Variants in NCKAP5 observed in about 807,000 individuals in gnomAD.
NCKAP5 encodes nck-associated protein 5.
In NCKAP5, 92 loss-of-function variants were observed where a neutral mutation model predicts 167.0. The ratio of observed to expected loss-of-function variants is 0.55; its 90% CI spans 0.47 to 0.66. The LOEUF (loss-of-function observed/expected upper bound fraction) is 0.66. Among genes scored for constraint, NCKAP5 ranks in the 30% least tolerant of loss-of-function variants. NCKAP5 has a pLI of 0.00. For missense variants in NCKAP5, 2,378 were observed against 2,315.0 expected, an observed-to-expected ratio of 1.03 and a Z score of -0.56; for synonymous variants, 891 against 877.4, an observed-to-expected ratio of 1.02 and a Z score of -0.27.
intron 16 of NCKAP5, among the ~76,000 whole-genome samples, chr2:132,772,478 G>C (rs1682163927): frequency 6.6e-6 from 1 of 152,132 alleles, no homozygotes. Context: ...GAAAAATTCA[G>C]CTTGTAACTT....
chr2:133,318,878 A>T (rs554814125), intron 3 of NCKAP5, among the ~76,000 whole-genome samples: 33 of 152,252 alleles, frequency 2.2e-4, no homozygotes, highest in African/African-American at 7.7e-4. Context: ...TCACAAAGAC[A>T]CATTATCCTG....
chr2:133,114,107 T>C (rs932772215), intron 6 of NCKAP5, among the ~76,000 whole-genome samples: 1 of 152,386 alleles, frequency 6.6e-6, no homozygotes. Context: ...GTTCTAGGCC[T>C]TGTAAATATT....
At chr2:133,022,699 A>C (rs1433168939) in intron 6 of NCKAP5, among the ~76,000 whole-genome samples, 3 of 152,188 alleles carry the variant, frequency 2.0e-5, no homozygotes, top group Non-Finnish European at 4.4e-5. Flanking sequence ...GGAAGATGGT[A>C]ATATGCTTCT....
At chr2:133,589,031 C>T in the NCKAP5 span, among the ~76,000 whole-genome samples, 1 of 152,280 alleles carries the variant, frequency 6.6e-6, no homozygotes, top group South Asian at 2.1e-4. Flanking sequence ...CTGGCTTGGA[C>T]TCCAAGTAAG....
At chr2:132,931,017 C>A (rs1278470146) in intron 8 of NCKAP5, 1 of 152,206 alleles carries the variant, frequency 6.6e-6, no homozygotes, top group African/African-American at 2.4e-5. Context: ...GCTCCAGAAT[C>A]TGTGCTCTTC....
intron 12 of NCKAP5, among the ~76,000 whole-genome samples, chr2:132,790,772 T>C (rs925726963): frequency 1.4e-4 from 22 of 152,186 alleles, no homozygotes; most frequent in African/African-American, 4.8e-4. Context: ...GCTTATCTTA[T>C]AGGGTTATTG....
rs974433869 is a variant in NCKAP5 at position 133,045,385 on chromosome 2, A to G, written c.342-51146T>C. 4.0e-5 allele frequency among the ~76,000 whole-genome samples: 6 copies of G among 151,888 alleles called. No homozygotes were observed. The East Asian group carries it at 1.2e-3, about 29-fold the overall frequency. On this transcript the variant is annotated intron_variant, in intron 6 of 19. Coordinates refer to ENST00000409261, the MANE Select transcript of NCKAP5 (RefSeq NM_207363.3). ...AAAGTATATATATCTATATCTATCT[A>G]TATATATATACATAATTAAGAGAGA...
At chr2:132,768,953 T>C (rs1681778807) in intron 16 of NCKAP5, among the ~76,000 whole-genome samples, 1 of 148,468 alleles carries the variant, frequency 6.7e-6, no homozygotes, top group Admixed American at 6.7e-5. Context: ...TTTTTTTTTT[T>C]TTTTTTTATG....
At chr2:133,537,799 T>C (rs1276427149) in intron 2 of NCKAP5, among the ~76,000 whole-genome samples, 5 of 152,176 alleles carry the variant, frequency 3.3e-5, no homozygotes, top group Admixed American at 3.3e-4. Context: ...ATTAAACAAA[T>C]TGAGATGCTT....
intron 13 of NCKAP5, among the ~76,000 whole-genome samples, chr2:132,789,807 G>T (rs780455377): frequency 2.6e-5 from 4 of 152,122 alleles, no homozygotes; most frequent in Non-Finnish European, 4.4e-5. Context: ...TGAAGTTGTG[G>T]TCTCTGTCAT....
intron 6 of NCKAP5, among the ~76,000 whole-genome samples, chr2:133,110,895 A>G (rs2081887183): frequency 6.6e-6 from 1 of 152,256 alleles, no homozygotes; most frequent in South Asian, 2.1e-4. Context: ...GATCTGGGGA[A>G]GCCTCTCTTC....
At chr2:133,243,590 A>G (rs2087830973) in intron 4 of NCKAP5, among the ~76,000 whole-genome samples, 1 of 152,204 alleles carries the variant, frequency 6.6e-6, no homozygotes, top group Non-Finnish European at 1.5e-5. Context: ...CATGGCTGGA[A>G]GCTCCATTTT....
intron 5 of NCKAP5, among the ~76,000 whole-genome samples, chr2:133,156,205 C>A (rs1041413426): frequency 2.0e-5 from 3 of 152,164 alleles, no homozygotes; most frequent in African/African-American, 4.8e-5. Context: ...AGGGAAAACT[C>A]ACCTTCTCTG....
chr2:133,177,237 T>A (rs892564732), intron 5 of NCKAP5, among the ~76,000 whole-genome samples: 1 of 151,004 alleles, frequency 6.6e-6, no homozygotes, highest in Non-Finnish European at 1.5e-5. Context: ...CCATCCGTGA[T>A]CACAGCGTTG....
In NCKAP5 at chr2:133,049,544, CAAAAAAAA is replaced by C. The variant is rs59494014; in HGVS notation, c.342-55313_342-55306del. Among the ~76,000 whole-genome samples, 4 of 78,290 alleles carry C rather than the reference CAAAAAAAA, an allele frequency of 5.1e-5. No homozygotes were observed. In the South Asian group the frequency reaches 1.7e-3, roughly 33 times the overall value. The allele number at this position is 78,290 out of a possible 152,430, so 51.4% of individuals were successfully genotyped here. ...TGGGCGACAGAGTGAGACTCTGTCT[CAAAAAAAA>C]AAAAAAAAAAAAAAAGAATGGGCAC... On this transcript the variant is annotated intron_variant, in intron 6 of 19. Transcript: ENST00000409261.
At chr2:133,580,710 G>A in the NCKAP5 span, among the ~76,000 whole-genome samples, 3 of 152,182 alleles carry the variant, frequency 2.0e-5, no homozygotes, top group Admixed American at 1.3e-4. Flanking sequence ...CCTAGAAGAC[G>A]CAGTGCACAG....
intron 11 of NCKAP5, among the ~76,000 whole-genome samples, chr2:132,825,835 AC>A (rs1164849102): frequency 1.3e-5 from 2 of 152,254 alleles, no homozygotes; most frequent in Non-Finnish European, 2.9e-5. Context: ...AAATCACTTA[AC>A]GTAATTGTAG....
intron 6 of NCKAP5, among the ~76,000 whole-genome samples, chr2:133,084,014 T>C (rs2080899686): frequency 6.6e-6 from 1 of 152,054 alleles, no homozygotes; most frequent in Non-Finnish European, 1.5e-5. Context: ...ATGTGAACAT[T>C]GAGATGGTAT....
chr2:133,445,832 T>A (rs1691157299), intron 3 of NCKAP5, among the ~76,000 whole-genome samples: 1 of 152,120 alleles, frequency 6.6e-6, no homozygotes, highest in Non-Finnish European at 1.5e-5. Context: ...TGCGATAATG[T>A]GACACCCCTG....
Sources: gnomAD v4.1 joint callset for allele counts (sites outside exome capture counted in the v4.1 genomes callset) on GRCh38, gnomAD v4.1.1 for gene constraint, MANE v1.5 for transcripts, NCBI Gene and HGNC (gene_info 2026-07-23, HGNC 2026-07-21) for gene names.